The following SLC39A11 variants were observed in gnomAD, a reference collection of about 807,000 sequenced individuals.
SLC39A11 encodes the protein zinc transporter ZIP11.
SLC39A11 carries 33 observed loss-of-function variants against 36.1 expected under a neutral mutation model. The observed-to-expected ratio is 0.91, with a 90% CI of 0.69 to 1.22. The LOEUF (loss-of-function observed/expected upper bound fraction) is 1.22, where lower values mean the gene tolerates loss of function less well. Ranked by LOEUF, SLC39A11 falls within the 50% of genes most tolerant of loss-of-function variation. The pLI, the probability that SLC39A11 is intolerant of heterozygous loss-of-function variation, is 0.00. For missense variants in SLC39A11, 432 were observed against 430.3 expected (o/e 1.00, Z -0.03); for synonymous variants, 166 against 170.3 (o/e 0.97, Z 0.20).
At chr17:72,754,051 T>TACACACACACAC (rs58802713) in intron 6 of SLC39A11, among the ~76,000 whole-genome samples, 10 of 108,058 alleles carry the variant, frequency 9.3e-5, no homozygotes, top group East Asian at 2.8e-4. Flanking sequence ...TATATACACA[T>TACACACACACAC]ACACACACAC....
chr17:72,899,006 AC>A (rs2082175298), intron 5 of SLC39A11, among the ~76,000 whole-genome samples: 1 of 148,160 alleles, frequency 6.7e-6, no homozygotes, highest in Admixed American at 6.8e-5. Flanking sequence ...CACTTGACCG[AC>A]CCCCATCAGC....
intron 6 of SLC39A11, among the ~76,000 whole-genome samples, chr17:72,770,016 C>T (rs887284799): frequency 5.3e-5 from 8 of 152,170 alleles, no homozygotes; most frequent in African/African-American, 1.7e-4. Flanking sequence ...TATTGATTGG[C>T]GTCTCATGTC....
intron 4 of SLC39A11, among the ~76,000 whole-genome samples, chr17:72,977,220 G>A (rs1380790022): frequency 2.0e-5 from 3 of 152,118 alleles, no homozygotes; most frequent in Non-Finnish European, 4.4e-5. Flanking sequence ...GAATGTGGAC[G>A]GCCCCAAGGA....
At chr17:72,739,888 G>A (rs1271341264) in intron 6 of SLC39A11, among the ~76,000 whole-genome samples, 1 of 152,024 alleles carries the variant, frequency 6.6e-6, no homozygotes, top group East Asian at 1.9e-4. Context: ...AACTCCCCCA[G>A]AAATGTTACT....
chr17:72,804,849 G>A (rs957013520), intron 6 of SLC39A11, among the ~76,000 whole-genome samples: 4 of 152,198 alleles, frequency 2.6e-5, no homozygotes, highest in South Asian at 2.1e-4. Context: ...GTGAAACCCC[G>A]TCTCTACTAA....
intron 6 of SLC39A11, among the ~76,000 whole-genome samples, chr17:72,826,792 C>G (rs2078047012): frequency 6.6e-6 from 1 of 152,038 alleles, no homozygotes; most frequent in African/African-American, 2.4e-5. Context: ...ATCAAAACCA[C>G]AAAGAACTAC....
chr17:72,863,017 G>A (rs2080122997), intron 5 of SLC39A11, among the ~76,000 whole-genome samples: 5 of 152,194 alleles, frequency 3.3e-5, no homozygotes, highest in Admixed American at 3.3e-4. Flanking sequence ...CAGATTCTTG[G>A]ACTCCACAGT....
At chr17:72,926,451 G>A (rs1274362940) in intron 5 of SLC39A11, among the ~76,000 whole-genome samples, 1 of 152,094 alleles carries the variant, frequency 6.6e-6, no homozygotes, top group East Asian at 1.9e-4. Flanking sequence ...TTGCCCCTCA[G>A]GGAAAAATGA....
chr17:72,927,133 A>G (rs2084096331), intron 5 of SLC39A11, among the ~76,000 whole-genome samples: 1 of 151,778 alleles, frequency 6.6e-6, no homozygotes, highest in Non-Finnish European at 1.5e-5. Flanking sequence ...AGCAACCTCC[A>G]CCTCCTGGGT....
intron 6 of SLC39A11, among the ~76,000 whole-genome samples, chr17:72,813,634 G>A (rs2077496928): frequency 6.6e-6 from 1 of 152,204 alleles, no homozygotes; most frequent in African/African-American, 2.4e-5. Context: ...GTTCTCCGGA[G>A]AGAAAAGCAG....
At chr17:72,716,227 C>T (rs2073356165) in intron 7 of SLC39A11, among the ~76,000 whole-genome samples, 1 of 151,988 alleles carries the variant, frequency 6.6e-6, no homozygotes. Context: ...CCATTCTGGA[C>T]AGAATGAAAA....
chr17:72,762,061 G>A (rs1341868056), intron 6 of SLC39A11, among the ~76,000 whole-genome samples: 1 of 152,218 alleles, frequency 6.6e-6, no homozygotes, highest in Non-Finnish European at 1.5e-5. Context: ...GGACCCAGGA[G>A]TCTGGATGTG....
chr17:72,729,433 ATATATATATATATATATATATATAT>A (rs1299430240), intron 7 of SLC39A11, among the ~76,000 whole-genome samples: 2 of 2,396 alleles, frequency 8.3e-4, no homozygotes, highest in African/African-American at 3.2e-3. Flanking sequence ...ATATATATAT[ATATATATATATATATATATATATAT>A]TTTTTTTTTT....
rs574745129 is a variant in SLC39A11 at position 73,010,864 on chromosome 17, A to G, written c.306+20692T>C. 2.1e-4 allele frequency among the ~76,000 whole-genome samples: 32 copies of G among 152,354 alleles called. No individual in the cohort carries two copies. In the South Asian group the frequency reaches 6.6e-3, roughly 32 times the overall value. ...GATCTGCTCCCCAAAAATAACTCACATGTGTAAAGCACTTTCAACTTCGAT... is the reference window on the plus strand; with the variant it reads ...GATCTGCTCCCCAAAAATAACTCACGTGTGTAAAGCACTTTCAACTTCGAT... On this transcript the variant is annotated intron_variant, in intron 4 of 9. Transcript: ENST00000255559.
intron 7 of SLC39A11, among the ~76,000 whole-genome samples, chr17:72,650,676 C>T (rs554146292): frequency 6.6e-6 from 1 of 152,160 alleles, no homozygotes; most frequent in South Asian, 2.1e-4. Flanking sequence ...GGTGTGTGGC[C>T]CGAGGGAATT....
intron 7 of SLC39A11, among the ~76,000 whole-genome samples, chr17:72,672,222 G>A (rs1487368948): frequency 6.6e-6 from 1 of 152,208 alleles, no homozygotes; most frequent in Non-Finnish European, 1.5e-5. Context: ...GCTGAGGTGG[G>A]TGGATCACTT....
chr17:72,962,296 GC>G (rs969518084), intron 4 of SLC39A11, among the ~76,000 whole-genome samples: 9 of 152,166 alleles, frequency 5.9e-5, no homozygotes, highest in African/African-American at 2.2e-4. Context: ...TTTCCATGGG[GC>G]CAGAGTCCAG....
At chr17:72,682,913 C>G (rs930862690) in intron 7 of SLC39A11, among the ~76,000 whole-genome samples, 3 of 152,232 alleles carry the variant, frequency 2.0e-5, no homozygotes, top group Non-Finnish European at 4.4e-5. Context: ...AGAACATTAT[C>G]TTGAGGCACC....
chr17:72,729,059 A>C (rs1297026461), intron 7 of SLC39A11, among the ~76,000 whole-genome samples: 1 of 151,986 alleles, frequency 6.6e-6, no homozygotes, highest in Admixed American at 6.6e-5. Flanking sequence ...CAGTTGGTGC[A>C]TTCTTCACAC....
Sources: allele counts gnomAD v4.1 joint callset (sites outside exome capture counted in the v4.1 genomes callset), GRCh38; gene constraint gnomAD v4.1.1; transcripts MANE v1.5; gene names NCBI Gene and HGNC (gene_info 2026-07-23, HGNC 2026-07-21).